Variants in IL26 observed in about 807,000 individuals in gnomAD.
The protein encoded by IL26 is interleukin 26, also known as interleukin-26.
Under a neutral mutation model 21.7 loss-of-function variants are expected in IL26, and 23 were observed. The observed-to-expected ratio is 1.06, with a 90% CI of 0.76 to 1.50. IL26 has a LOEUF of 1.50. IL26 is among the 40% of genes most tolerant of loss of function. The probability of loss-of-function intolerance (pLI) is 0.00; values close to 1 mark genes in which losing one functional copy is unlikely to be tolerated. For synonymous variants in IL26, 63 were observed against 67.8 expected, an observed-to-expected ratio of 0.93 and a Z score of 0.34; for missense variants, 204 against 196.0, an observed-to-expected ratio of 1.04 and a Z score of -0.24.
chr12:68,224,706 GAGGGAGGGAGAGGGAAGGA>G (rs1300069578), intron 3 of IL26, among the ~76,000 whole-genome samples: 1 of 141,416 alleles, frequency 7.1e-6, no homozygotes, highest in East Asian at 2.2e-4. Flanking sequence ...AGGGGAGAGG[GAGGGAGGGAGAGGGAAGGA>G]AGGGAGGGAG....
chr12:68,210,752 A>G (rs1868703257), intron 3 of IL26, among the ~76,000 whole-genome samples: 1 of 152,192 alleles, frequency 6.6e-6, no homozygotes, highest in African/African-American at 2.4e-5. Context: ...ACATTTCTTC[A>G]TGTTCCAACC....
chr12:68,218,993 A>G (rs575412130), intron 3 of IL26, among the ~76,000 whole-genome samples: 189 of 151,994 alleles, frequency 1.2e-3, no homozygotes, highest in Non-Finnish European at 2.2e-3. Flanking sequence ...CAATTCATCA[A>G]GAGAATATAA....
rs529150355 is a variant in IL26, at chr12:68,213,159, G to C, written c.364-11076C>G. ...AAATGATCATATGGTTTTTGTTCTT[G>C]GTTCTTTTCATGTATCACATTTATT... On this transcript the variant is annotated intron_variant, in intron 3 of 4. Transcript: ENST00000229134. 4.7e-5 allele frequency among the ~76,000 whole-genome samples: 7 copies of C among 149,756 alleles called. No homozygotes were observed. The South Asian group carries it at 1.5e-3, about 31-fold the overall frequency.
chr12:68,221,562 A>G (rs1869045315), intron 3 of IL26, among the ~76,000 whole-genome samples: 1 of 152,254 alleles, frequency 6.6e-6, no homozygotes, highest in African/African-American at 2.4e-5. Flanking sequence ...TCTAAAACCT[A>G]GAAATGTTCA....
At chr12:68,204,359 G>C (rs1868474718) in intron 3 of IL26, among the ~76,000 whole-genome samples, 2 of 152,012 alleles carry the variant, frequency 1.3e-5, no homozygotes, top group Admixed American at 6.6e-5. Flanking sequence ...TAGCCAGGAT[G>C]GTTTCGATCC....
In IL26 at chr12:68,209,515, G is replaced by C. The variant is rs570640176; in HGVS notation, c.364-7432C>G. Among the ~76,000 whole-genome samples the C allele has an allele frequency of 6.6e-5, 10 of 152,168 alleles. No homozygotes were observed. In the East Asian group the frequency reaches 1.2e-3, roughly 18 times the overall value. ...AGTCTAGACACATTCCAGAGGCCAC[G>C]AGGGGTTTTATGCCCTGAGCCCTGG... On this transcript the variant is annotated intron_variant, in intron 3 of 4. Transcript: ENST00000229134.
intron 3 of IL26, among the ~76,000 whole-genome samples, chr12:68,211,924 T>C (rs567863813): frequency 5.3e-5 from 8 of 150,724 alleles, no homozygotes; most frequent in African/African-American, 1.2e-4. Context: ...GTCTGTACTT[T>C]CGAGGACTTA....
chr12:68,221,468 A>G (rs1281689408), intron 3 of IL26, among the ~76,000 whole-genome samples: 1 of 152,258 alleles, frequency 6.6e-6, no homozygotes, highest in African/African-American at 2.4e-5. Flanking sequence ...ATGAACAGGA[A>G]TAAAAAAGAA....
intron 3 of IL26, among the ~76,000 whole-genome samples, chr12:68,214,635 A>G (rs1053637178): frequency 6.6e-6 from 1 of 152,148 alleles, no homozygotes; most frequent in Non-Finnish European, 1.5e-5. Context: ...CTATCTGATA[A>G]AAGGATAGCT....
Position 68,201,665 on chromosome 12 carries a change from G to C in IL26, c.*180C>G, listed in dbSNP as rs1347312438. ...GAAAACACAGAAAATGTGCAAATTAGTGACAACTTATATCCAAAACGTTAA... is the reference window on the plus strand; with the variant it reads ...GAAAACACAGAAAATGTGCAAATTACTGACAACTTATATCCAAAACGTTAA... On this transcript the variant is annotated 3_prime_UTR_variant, in exon 5 of 5. Coordinates refer to ENST00000229134, the MANE Select transcript of IL26 (RefSeq NM_018402.2). The C allele has an allele frequency of 4.4e-6, 2 of 456,070 alleles. No homozygotes were observed. The highest frequency in any genetic ancestry group is 7.7e-6 in the Non-Finnish European group (2 of 258,276). The allele number at this position is 456,070 out of a possible 1,614,324, so 28.3% of individuals were successfully genotyped here.
intron 3 of IL26, among the ~76,000 whole-genome samples, chr12:68,213,938 C>T (rs1234497381): frequency 6.6e-6 from 1 of 152,018 alleles, no homozygotes; most frequent in African/African-American, 2.4e-5. Flanking sequence ...CCTTCAGATA[C>T]ATTATTAGTT....
chr12:68,223,397 A>T (rs1167870516), intron 3 of IL26, among the ~76,000 whole-genome samples: 1 of 152,160 alleles, frequency 6.6e-6, no homozygotes, highest in East Asian at 1.9e-4. Context: ...GGAAAACTTC[A>T]CCAGAAACAA....
chr12:68,211,885 A>G (rs1171182484), intron 3 of IL26, among the ~76,000 whole-genome samples: 3 of 151,934 alleles, frequency 2.0e-5, no homozygotes, highest in Non-Finnish European at 2.9e-5. Context: ...GCTTTACATA[A>G]TCCCATTTGT....
chr12:68,204,669 A>C (rs1868482924), intron 3 of IL26, among the ~76,000 whole-genome samples: 1 of 150,758 alleles, frequency 6.6e-6, no homozygotes, highest in Non-Finnish European at 1.5e-5. Flanking sequence ...GTCAAAAAGG[A>C]GGAAAACACT....
chr12:68,210,338 CAAAAAAAAAAAAAAAAA>C (rs540693081), intron 3 of IL26, among the ~76,000 whole-genome samples: 4 of 22,094 alleles, frequency 1.8e-4, no homozygotes, highest in African/African-American at 4.5e-4. Context: ...ATCAGTTTGG[CAAAAAAAAAAAAAAAAA>C]AAAAAAAAAA....
intron 3 of IL26, among the ~76,000 whole-genome samples, chr12:68,210,718 A>G (rs1868702265): frequency 1.3e-5 from 2 of 152,224 alleles, no homozygotes; most frequent in Admixed American, 1.3e-4. Context: ...TAGCTTACCT[A>G]GAATAATCTT....
chr12:68,225,779 G>T lies in IL26; in HGVS notation c.-23C>A. The T allele has an allele frequency of 6.2e-7, 1 of 1,611,848 alleles. No individual in the cohort carries two copies. Among genetic ancestry groups the T allele is most frequent in the Non-Finnish European group, 8.5e-7 (1 of 1,178,686 alleles). On this transcript the variant is annotated 5_prime_UTR_variant, in exon 1 of 5. Coordinates refer to ENST00000229134, the MANE Select transcript of IL26 (RefSeq NM_018402.2). ...CATTTCCCTTCACCCCACTCAGCGT[G>T]TGTCACTCACAGCAGCCCAAGAGAT...
intron 3 of IL26, among the ~76,000 whole-genome samples, chr12:68,209,619 C>T (rs549483885): frequency 1.2e-3 from 182 of 152,202 alleles, no homozygotes; most frequent in African/African-American, 4.2e-3. Context: ...CCCTTTTGCA[C>T]AGAGCTTGGT....
intron 3 of IL26, among the ~76,000 whole-genome samples, chr12:68,209,405 G>A (rs1381316803): frequency 6.6e-6 from 1 of 152,214 alleles, no homozygotes; most frequent in Admixed American, 6.5e-5. Context: ...TGACAGTTTA[G>A]CATATGCTCT....
Sources: allele counts gnomAD v4.1 joint callset (sites outside exome capture counted in the v4.1 genomes callset), GRCh38; gene constraint gnomAD v4.1.1; transcripts MANE v1.5; gene names NCBI Gene and HGNC (gene_info 2026-07-23, HGNC 2026-07-21).